The following LPXN variants were observed in gnomAD, a reference collection of about 807,000 sequenced individuals.
LPXN encodes the protein leupaxin.
A neutral mutation model predicts 45.6 loss-of-function variants in LPXN; 28 were observed. That is an observed-to-expected ratio of 0.61 (90% CI 0.45 to 0.84). The LOEUF is 0.84. Among genes scored for constraint, LPXN ranks in the 40% least tolerant of loss-of-function variants. The pLI is 0.00. For synonymous variants in LPXN, 166 were observed against 169.9 expected (o/e 0.98, Z 0.18); for missense variants, 459 against 475.0 (o/e 0.97, Z 0.31).
rs1328634423 is a variant in LPXN at position 58,551,196 on chromosome 11, G to C, written c.355C>G (p.Pro119Ala). 6.2e-7 allele frequency: 1 copy of C among 1,611,166 alleles called. No individual in the cohort carries two copies. The highest frequency in any genetic ancestry group is 1.3e-5 in the African/African-American group (1 of 74,866). The change falls in exon 5 of 9, where the codon CCA (proline) becomes GCA (alanine). Residue 119 changes from proline (P) to alanine (A), a missense_variant. Physicochemically the swap from Pro to Ala is conservative, Grantham distance 27. Transcript: ENST00000395074. ...VRADAGKKHLPDKQDHKASLD... is the reference protein window; with the variant it reads ...VRADAGKKHLADKQDHKASLD... ...GAGGCCTTGTGATCCTGCTTGTCTG[G>C]TAAGTGCTTCTTGCCAGCATCTGCT...
At chr11:58,549,747 A>G (rs1279774850) in intron 7 of LPXN, 39 bp downstream of exon 7, 1 of 1,578,632 alleles carries the variant, frequency 6.3e-7, no homozygotes, top group South Asian at 1.1e-5. Context: ...ATAACTACCC[A>G]CTGGGGTGTG....
At chr11:58,549,683 GT>G in intron 7 of LPXN, 102 bp downstream of exon 7, 1 of 867,456 alleles carries the variant, frequency 1.2e-6, no homozygotes, top group South Asian at 1.5e-5. Flanking sequence ...CACTTTGATA[GT>G]ACTGATAGGA....
intron 7 of LPXN, among the ~76,000 whole-genome samples, chr11:58,543,405 G>A (rs535484753): frequency 4.2e-4 from 64 of 152,182 alleles, no homozygotes; most frequent in African/African-American, 1.4e-3. Flanking sequence ...TAACTTTTAC[G>A]TAAGAATCCC....
chr11:58,541,357 A>G (rs1052019965), intron 7 of LPXN, among the ~76,000 whole-genome samples: 12 of 152,096 alleles, frequency 7.9e-5, no homozygotes, highest in African/African-American at 2.9e-4. Context: ...AAAACAAACA[A>G]CCCCATCAAA....
chr11:58,551,716 T>G (rs557698399), intron 4 of LPXN, among the ~76,000 whole-genome samples: 6 of 152,186 alleles, frequency 3.9e-5, no homozygotes, highest in African/African-American at 7.2e-5. Flanking sequence ...AATAAATATA[T>G]GTTGTAATGT....
At chr11:58,551,312 A>C in intron 4 of LPXN, 80 bp from the exon 5 acceptor site, 1 of 1,186,692 alleles carries the variant, frequency 8.4e-7, no homozygotes, top group South Asian at 2.1e-5. Flanking sequence ...CTATAAATTC[A>C]CCTCTACTGA....
In LPXN at chr11:58,552,416, T is replaced by TCATCA. The variant is rs1854078031; in HGVS notation, c.319-1185_319-1184insTGATG. Among the ~76,000 whole-genome samples, 3 of 152,164 alleles carry TCATCA rather than the reference T, an allele frequency of 2.0e-5. No homozygotes were observed. The South Asian group carries it at 6.2e-4, about 31-fold the overall frequency. On this transcript the variant is annotated intron_variant, in intron 4 of 8. Coordinates refer to ENST00000395074, the MANE Select transcript of LPXN (RefSeq NM_004811.3). ...TGGGCGACTGCTACCATCTATCTAC[T>TCATCA]GAATACTTCACTCATCAGAAAACTA... is the stretch of plus-strand genomic sequence containing the variant.
At chr11:58,532,433 T>C (rs12790816) in intron 7 of LPXN, among the ~76,000 whole-genome samples, 60,603 of 152,056 alleles carry the variant, frequency 0.4, 12,196 homozygotes, top group Middle Eastern at 0.53. Context: ...TGGATAACTT[T>C]TATGTCTAGC....
At chr11:58,551,888 C>A (rs1047365998) in intron 4 of LPXN, among the ~76,000 whole-genome samples, 3 of 152,014 alleles carry the variant, frequency 2.0e-5, no homozygotes, top group African/African-American at 7.3e-5. Context: ...GAAAAGCATT[C>A]TAGGGGAAGG....
chr11:58,543,876 G>A (rs148021831), intron 7 of LPXN, among the ~76,000 whole-genome samples: 1 of 152,262 alleles, frequency 6.6e-6, no homozygotes, highest in Non-Finnish European at 1.5e-5. Context: ...CTAGAAATCA[G>A]CTTTGATAAT....
At chr11:58,574,144 C>T (rs987281905) in intron 1 of LPXN, among the ~76,000 whole-genome samples, 6 of 152,322 alleles carry the variant, frequency 3.9e-5, no homozygotes, top group Admixed American at 2.0e-4. Flanking sequence ...CCTGTGGAGA[C>T]GTAGCCAACT....
chr11:58,545,010 T>C (rs1336142003), intron 7 of LPXN, among the ~76,000 whole-genome samples: 2 of 152,142 alleles, frequency 1.3e-5, no homozygotes, highest in African/African-American at 4.8e-5. Flanking sequence ...CTATCTAACT[T>C]GGGGTGAGGC....
At chr11:58,571,916 C>G (rs1468773069) in intron 1 of LPXN, among the ~76,000 whole-genome samples, 2 of 152,112 alleles carry the variant, frequency 1.3e-5, no homozygotes, top group Admixed American at 1.3e-4. Context: ...TGATCCCTAG[C>G]CCCTGCATTA....
chr11:58,530,476 C>G (rs1008587155), intron 7 of LPXN, among the ~76,000 whole-genome samples: 2 of 152,232 alleles, frequency 1.3e-5, no homozygotes, highest in African/African-American at 4.8e-5. Context: ...AGCAAGGCTG[C>G]TGTGGCTAGA....
At chr11:58,554,722 T>C (rs891023650) in intron 4 of LPXN, 119 bp downstream of exon 4, 4 of 656,490 alleles carry the variant, frequency 6.1e-6, no homozygotes, top group African/African-American at 3.7e-5. Flanking sequence ...CTTAGGAAAA[T>C]TCCTAAGTGG....
At chr11:58,546,301 A>G (rs1303982306) in intron 7 of LPXN, among the ~76,000 whole-genome samples, 1 of 152,208 alleles carries the variant, frequency 6.6e-6, no homozygotes, top group Non-Finnish European at 1.5e-5. Context: ...GGCTAGAAAC[A>G]GGACTGGTTG....
intron 2 of LPXN, among the ~76,000 whole-genome samples, chr11:58,570,309 T>TA (rs1420817128): frequency 2.7e-4 from 37 of 135,692 alleles, no homozygotes; most frequent in South Asian, 1.4e-3. Context: ...TCTCAAAAAA[T>TA]AAAAAAAAAA....
At chr11:58,541,188 T>C (rs1265285738) in intron 7 of LPXN, among the ~76,000 whole-genome samples, 1 of 151,918 alleles carries the variant, frequency 6.6e-6, no homozygotes, top group African/African-American at 2.4e-5. Flanking sequence ...AATAGACAAA[T>C]GGGATCTAAT....
chr11:58,534,529 T>C (rs1853490162), intron 7 of LPXN, among the ~76,000 whole-genome samples: 1 of 152,152 alleles, frequency 6.6e-6, no homozygotes, highest in African/African-American at 2.4e-5. Context: ...AAGCAGTGTG[T>C]AGAGGGAAAT....
Sources: gnomAD v4.1 joint callset for allele counts (sites outside exome capture counted in the v4.1 genomes callset) on GRCh38, gnomAD v4.1.1 for gene constraint, MANE v1.5 for transcripts, NCBI Gene and HGNC (gene_info 2026-07-23, HGNC 2026-07-21) for gene names.